DNAH11: variants seen among roughly 807,000 people sequenced by gnomAD.
DNAH11 encodes the protein dynein axonemal heavy chain 11, also known as axonemal beta dynein heavy chain 11.
DNAH11 carries 442 observed loss-of-function variants against 526.0 expected under a neutral mutation model. The observed-to-expected ratio is 0.84, with a 90% CI of 0.78 to 0.91. The LOEUF is 0.91. Ranked by LOEUF, DNAH11 falls within the 40% of genes least tolerant of loss-of-function variation. The pLI is 0.00. For synonymous variants in DNAH11, 2,461 were observed against 1,935.9 expected (o/e 1.27, Z -7.12); for missense variants, 6,989 against 5,448.7 (o/e 1.28, Z -8.90).
At chr7:21,631,836 G>A (rs1236425440) in intron 25 of DNAH11, among the ~76,000 whole-genome samples, 2 of 152,138 alleles carry the variant, frequency 1.3e-5, no homozygotes, top group African/African-American at 4.8e-5. Flanking sequence ...GGGGTCTGGA[G>A]GACAGTGGCC....
chr7:21,846,457 T>C (rs1782424127), intron 66 of DNAH11, among the ~76,000 whole-genome samples: 1 of 152,184 alleles, frequency 6.6e-6, no homozygotes, highest in South Asian at 2.1e-4. Context: ...TTTTATCAAA[T>C]GTTTTTTCTG....
chr7:21,780,521 A>G (rs1787898280), intron 57 of DNAH11, among the ~76,000 whole-genome samples: 1 of 152,228 alleles, frequency 6.6e-6, no homozygotes, highest in Non-Finnish European at 1.5e-5. Flanking sequence ...TAGTAATTAT[A>G]TCATAACCTA....
chr7:21,735,762 T>G lies in DNAH11; in HGVS notation c.7563T>G (p.Gly2521=), dbSNP rs1305840591. 2.5e-6 allele frequency: 4 copies of G among 1,613,868 alleles called. No homozygotes were observed. The highest frequency in any genetic ancestry group is 3.4e-6 in the Non-Finnish European group (4 of 1,179,900). ...GAGTGGGAAAAACAGTCTTTGTAGG[T>G]GACACATTGGCAAGTCTCTCTGAGG... ...NAGVGKTVFV[G]DTLASLSEDY... Residue 2521 remains glycine (G), a synonymous_variant, in exon 46 of 82, where the codon GGT becomes GGG. Coordinates refer to ENST00000409508, the MANE Select transcript of DNAH11 (RefSeq NM_001277115.2).
intron 2 of DNAH11, among the ~76,000 whole-genome samples, chr7:21,552,766 G>A (rs1783069383): frequency 6.6e-6 from 1 of 152,270 alleles, no homozygotes; most frequent in African/African-American, 2.4e-5. Flanking sequence ...AAGACAAAGA[G>A]GTCTCTGCTC....
intron 77 of DNAH11, 26 bp from the exon 78 acceptor site, chr7:21,894,597 C>G: frequency 6.2e-7 from 1 of 1,606,006 alleles, no homozygotes. Context: ...TAGAAAGGAG[C>G]TAAATCTTTG....
intron 2 of DNAH11, among the ~76,000 whole-genome samples, chr7:21,551,289 T>C (rs1313017229): frequency 6.6e-6 from 1 of 152,208 alleles, no homozygotes; most frequent in Non-Finnish European, 1.5e-5. Flanking sequence ...GGAGGCTTGC[T>C]CAGCAGCGCC....
At chr7:21,644,708 CAT>C (rs1562724236) in intron 28 of DNAH11, among the ~76,000 whole-genome samples, 3 of 152,128 alleles carry the variant, frequency 2.0e-5, no homozygotes, top group African/African-American at 7.2e-5. Context: ...AGAAGCTGCT[CAT>C]GAAAGTGTAG....
chr7:21,581,813 G>GGTC, intron 8 of DNAH11, 92 bp from the exon 9 acceptor site: 1 of 762,320 alleles, frequency 1.3e-6, no homozygotes, highest in Non-Finnish European at 2.3e-6. Flanking sequence ...GAGCGAGCGA[G>GGTC]AGAGAGCTAA....
intron 67 of DNAH11, among the ~76,000 whole-genome samples, chr7:21,853,201 G>A (rs778406343): frequency 2.2e-4 from 34 of 152,246 alleles, no homozygotes; most frequent in South Asian, 4.2e-4. Flanking sequence ...TATGCCTTAT[G>A]TGTGATGTGC....
In DNAH11 at chr7:21,570,170, C is replaced by G; in HGVS notation, c.1296C>G (p.Asn432Lys). ...TTAACATCTTAAAGACTTTCAAAAA[C>G]TCCTTTTTCAACTATAGAAAAAAAT... ...VAVNILKTFKNSFFNYRKKLA... is the reference protein window; with the variant it reads ...VAVNILKTFKKSFFNYRKKLA... Residue 432 changes from asparagine to lysine, a missense_variant, in exon 7 of 82, where the codon AAC becomes AAG. Physicochemically the swap from Asn to Lys is moderately conservative, Grantham distance 94. Transcript: ENST00000409508. 6.2e-7 allele frequency: 1 copy of G among 1,613,450 alleles called. No homozygotes were observed.
intron 66 of DNAH11, among the ~76,000 whole-genome samples, chr7:21,848,303 C>T (rs970865609): frequency 1.3e-5 from 2 of 151,292 alleles, no homozygotes; most frequent in Admixed American, 6.6e-5. Flanking sequence ...AGCTTTCTTT[C>T]GATTAGTGTT....
intron 68 of DNAH11, 140 bp from the exon 69 acceptor site, chr7:21,861,713 A>T: frequency 1.4e-6 from 1 of 707,064 alleles, no homozygotes; most frequent in Non-Finnish European, 2.3e-6. Context: ...ACCATGTGCC[A>T]GAAACTATAA....
chr7:21,552,993 C>T (rs1233230238), intron 2 of DNAH11, among the ~76,000 whole-genome samples: 5 of 150,260 alleles, frequency 3.3e-5, no homozygotes, highest in African/African-American at 1.2e-4. Flanking sequence ...GGGTGACATG[C>T]AGGGTTTTAA....
intron 18 of DNAH11, 138 bp from the exon 19 acceptor site, chr7:21,606,288 A>C (rs1583522113): frequency 2.9e-6 from 2 of 694,134 alleles, no homozygotes; most frequent in East Asian, 2.8e-5. Context: ...ATGCCAGTGC[A>C]CTCCAGCCTA....
intron 5 of DNAH11, among the ~76,000 whole-genome samples, chr7:21,562,328 A>T (rs1285931250): frequency 6.6e-6 from 1 of 152,174 alleles, no homozygotes; most frequent in Non-Finnish European, 1.5e-5. Flanking sequence ...GACATGGCCA[A>T]ATGTCCCCTG....
chr7:21,629,220 T>A (rs1010960887), intron 25 of DNAH11, among the ~76,000 whole-genome samples: 21 of 152,176 alleles, frequency 1.4e-4, no homozygotes, highest in African/African-American at 4.8e-4. Flanking sequence ...ATTTCTAAGG[T>A]TCCTCTTGTT....
Position 21,901,159 on chromosome 7 carries a change from A to G in DNAH11, c.13456A>G (p.Arg4486Gly). The G allele has an allele frequency of 6.2e-7, 1 of 1,612,538 alleles. No homozygotes were observed. The change falls in exon 82 of 82, where the codon AGA becomes GGA. Residue 4486 changes from arginine (R) to glycine (G), a missense_variant. Physicochemically the swap from Arg to Gly is moderately radical, Grantham distance 125. Coordinates refer to ENST00000409508, the MANE Select transcript of DNAH11 (RefSeq NM_001277115.2). ...GTGCCCTGTGTATAGAACCAAACTG[A>G]GAGGCCCCAGCTACATCTGGACCTT... Reference protein sequence around the residue: ...YECPVYRTKLRGPSYIWTFRL... With the variant: ...YECPVYRTKLGGPSYIWTFRL...
At chr7:21,547,284 G>A (rs1474927590) in intron 2 of DNAH11, among the ~76,000 whole-genome samples, 3 of 152,218 alleles carry the variant, frequency 2.0e-5, no homozygotes, top group Non-Finnish European at 4.4e-5. Context: ...CAGACATTAA[G>A]TTTTAAAAGA....
intron 37 of DNAH11, among the ~76,000 whole-genome samples, chr7:21,704,001 T>C (rs764804523): frequency 3.9e-5 from 6 of 152,212 alleles, no homozygotes; most frequent in African/African-American, 2.4e-5. Flanking sequence ...TTAAAATCTT[T>C]AGCTTACAGC....
Sources: gnomAD v4.1 joint callset for allele counts (sites outside exome capture counted in the v4.1 genomes callset) on GRCh38, gnomAD v4.1.1 for gene constraint, MANE v1.5 for transcripts, NCBI Gene and HGNC (gene_info 2026-07-23, HGNC 2026-07-21) for gene names.